Variants in MEIOC observed in about 807,000 individuals in gnomAD.
The protein encoded by MEIOC is meiosis specific with coiled-coil domain, also known as meiosis-specific coiled-coil domain-containing protein MEIOC.
In MEIOC, 9 loss-of-function variants were observed where a neutral mutation model predicts 85.3. The ratio of observed to expected loss-of-function variants is 0.11; its 90% CI spans 0.06 to 0.18. The LOEUF (loss-of-function observed/expected upper bound fraction) is 0.18, where lower values mean the gene tolerates loss of function less well. Among genes scored for constraint, MEIOC ranks in the 10% least tolerant of loss-of-function variants. The pLI is 1.00. For synonymous variants in MEIOC, 365 were observed against 393.7 expected, an observed-to-expected ratio of 0.93 and a Z score of 0.86; for missense variants, 898 against 1,129.4, an observed-to-expected ratio of 0.80 and a Z score of 2.94.
At chr17:44,673,820 A>G in intron 7 of MEIOC, 156 bp from the exon 8 acceptor site, 1 of 874,708 alleles carries the variant, frequency 1.1e-6, no homozygotes, top group Non-Finnish European at 1.7e-6. Context: ...AAATATTTTA[A>G]TGATAAAGGA....
Position 44,662,205 on chromosome 17 carries a change from ATG to A in MEIOC, c.205-110_205-109del, listed in dbSNP as rs1245064356. 24 of 847,342 alleles carry A rather than the reference ATG, an allele frequency of 2.8e-5. No homozygotes were observed. The African/African-American group carries it at 3.3e-4, about 12-fold the overall frequency. The allele number at this position is 847,342 out of a possible 1,614,324, so 52.5% of individuals were successfully genotyped here. On this transcript the variant is annotated intron_variant, in intron 2 of 7. Transcript: ENST00000409122. ...CTTAAGTCACTAAGTCTGCATTTGAATGTAATTCTCCCAACTCTTACATCTGT... is the reference window on the plus strand; with the variant it reads ...CTTAAGTCACTAAGTCTGCATTTGAATAATTCTCCCAACTCTTACATCTGT...
intron 4 of MEIOC, 49 bp downstream of exon 4, chr17:44,665,537 C>A (rs1346736274): frequency 3.4e-6 from 3 of 872,844 alleles, no homozygotes; most frequent in Non-Finnish European, 5.0e-6. Flanking sequence ...AACTAACATA[C>A]ACTAGTTTAC....
At position 44,674,038 on chromosome 17, in the gene MEIOC, G is replaced by A. The variant is rs560381523; in HGVS notation, c.2701G>A (p.Ala901Thr). Residue 901 changes from alanine (A) to threonine (T), a missense_variant, in exon 8 of 8, where the codon GCC (alanine) becomes ACC (threonine). By Grantham distance (58) the Ala-to-Thr change is moderately conservative. This residue lies in a region of MEIOC where 164 missense variants were observed against 269.2 expected (regional missense o/e 0.61). Coordinates refer to ENST00000409122, the MANE Select transcript of MEIOC (RefSeq NM_001145080.3). ...TGTGGCTACTCGGAAAACACGCACT[G>A]CCCTGTGGTGTGCACTGCAGATGAC... ...MCVATRKTRT[A>T]LWCALQMTLP... 1 of 1,551,716 alleles carries A rather than the reference G, an allele frequency of 6.4e-7. No homozygotes were observed. Among genetic ancestry groups the A allele is most frequent in the East Asian group, 2.4e-5 (1 of 40,918 alleles).
At chr17:44,656,883 C>T (rs1971764995) in intron 1 of MEIOC, among the ~76,000 whole-genome samples, 1 of 150,994 alleles carries the variant, frequency 6.6e-6, no homozygotes, top group African/African-American at 2.4e-5. Flanking sequence ...CGCCGCGATT[C>T]CCGGGAGGCA....
Position 44,675,780 on chromosome 17 carries a change from A to G in MEIOC, c.*1584A>G, listed in dbSNP as rs1598731617. The stretch of plus-strand genomic sequence containing the variant: ...TACTGAATTTAGTCTCAGGAAAAAA[A>G]TAAATTACTTTGTTGAAAACATTTG... On this transcript the variant is annotated 3_prime_UTR_variant, in exon 8 of 8. Coordinates refer to ENST00000409122, the MANE Select transcript of MEIOC (RefSeq NM_001145080.3). 1.1e-6 allele frequency: 1 copy of G among 944,672 alleles called. No homozygotes were observed. The highest frequency in any genetic ancestry group is 1.2e-4 in the East Asian group (1 of 8,618). 58.5% of individuals were successfully genotyped at this position (944,672 alleles called of 1,614,324 possible).
At chr17:44,670,479 C>CTTGATGAGCAAGCTGTGCTTACATAAGAT (rs1971987855) in intron 6 of MEIOC, 1 of 145,756 alleles carries the variant, frequency 6.9e-6, no homozygotes, top group Non-Finnish European at 1.5e-5. Flanking sequence ...TGTTTTCCAG[C>CTTGATGAGCAAGCTGTGCTTACATAAGAT]TTGATGAGCA....
rs571717712 is a variant in MEIOC, at chr17:44,667,870, C to A, written c.1959C>A (p.Asp653Glu). 2 of 1,613,940 alleles carry A rather than the reference C, an allele frequency of 1.2e-6. No individual in the cohort carries two copies. The highest frequency in any genetic ancestry group is 1.7e-5 in the Admixed American group (1 of 60,004). The part of the protein sequence containing the change: ...HSNSHRTRGG[D>E]NSRVNRTQVS... ...ATAGCCACAGAACGAGAGGTGGAGA[C>A]AATAGCCGTGTGAATCGCACACAAG... Residue 653 changes from aspartate (D) to glutamate (E), a missense_variant, in exon 5 of 8, where the codon GAC (aspartate) becomes GAA (glutamate). By Grantham distance (45) the Asp-to-Glu change is conservative. This residue lies in a region of MEIOC where 734 missense variants were observed against 860.1 expected (regional missense o/e 0.85). Transcript: ENST00000409122.
At chr17:44,676,446 T>C (rs752715092), downstream of MEIOC, among the ~76,000 whole-genome samples, 10 of 152,178 alleles carry the variant, frequency 6.6e-5, no homozygotes, top group Non-Finnish European at 7.3e-5. Context: ...CTATAAAGTT[T>C]TAGAGGGTTG....
At chr17:44,665,616 T>C (rs1303579885) in intron 4 of MEIOC, 128 bp downstream of exon 4, 3 of 407,966 alleles carry the variant, frequency 7.4e-6, no homozygotes, top group Admixed American at 9.1e-5. Flanking sequence ...ATTCAAATAT[T>C]GTTTCAAGGA....
rs1971913998 is a variant in MEIOC, at chr17:44,666,964, A to C, written c.1053A>C (p.Lys351Asn). 3.7e-6 allele frequency: 6 copies of C among 1,612,740 alleles called. No individual in the cohort carries two copies. The East Asian group carries it at 1.1e-4, about 30-fold the overall frequency. Residue 351 changes from lysine (K) to asparagine (N), a missense_variant, in exon 5 of 8, where the codon AAA (lysine) becomes AAC (asparagine). Lys to Asn is a moderately conservative substitution (Grantham distance 94, BLOSUM62 0). This residue lies in a region of MEIOC where 734 missense variants were observed against 860.1 expected (regional missense o/e 0.85). Transcript: ENST00000409122. ...KCSNFSVQDS[K>N]KLANGTPETP... ...CAAATTTTAGTGTCCAAGATAGCAA[A>C]AAATTAGCCAATGGCACACCTGAAA...
intron 5 of MEIOC, 105 bp downstream of exon 5, chr17:44,668,338 C>T (rs771672235): frequency 5.3e-5 from 58 of 1,084,136 alleles, no homozygotes; most frequent in Non-Finnish European, 7.6e-5. Context: ...TTTCTTTTTG[C>T]TTTATTTGTT....
chr17:44,671,012 T>A (rs544732616), intron 6 of MEIOC: 1 of 152,038 alleles, frequency 6.6e-6, no homozygotes, highest in Non-Finnish European at 1.5e-5. Context: ...AACTTAGTTT[T>A]CCAAATAAAA....
chr17:44,656,716 G>C (rs1370889341), intron 1 of MEIOC, 34 bp downstream of exon 1: 1 of 1,455,282 alleles, frequency 6.9e-7, no homozygotes, highest in Non-Finnish European at 9.1e-7. Context: ...TCCAGGGGGC[G>C]GCCAGACTTG....
intron 2 of MEIOC, among the ~76,000 whole-genome samples, chr17:44,659,006 C>G (rs1010556619): frequency 6.6e-6 from 1 of 151,704 alleles, no homozygotes; most frequent in African/African-American, 2.4e-5. Context: ...TCACTTTACT[C>G]CTTTATTTTC....
chr17:44,657,827 A>G (rs1367627631), intron 2 of MEIOC, among the ~76,000 whole-genome samples: 1 of 144,182 alleles, frequency 6.9e-6, no homozygotes, highest in South Asian at 2.2e-4. Context: ...TGCTGGGATT[A>G]CAGGCATGAG....
chr17:44,666,323 G>T, intron 4 of MEIOC, 53 bp from the exon 5 acceptor site: 1 of 1,420,804 alleles, frequency 7.0e-7, no homozygotes, highest in Non-Finnish European at 9.4e-7. Context: ...TTCCACTGAA[G>T]AAATAAAGTC....
Position 44,675,481 on chromosome 17 carries a change from G to C in MEIOC, c.*1285G>C, listed in dbSNP as rs551971234. Reference sequence around the variant, plus strand: ...AGAAACACTGATGTTTTAAATGTTAGTGTTTTTCTTAGTTTTAGAAATTCT... The same window carrying C: ...AGAAACACTGATGTTTTAAATGTTACTGTTTTTCTTAGTTTTAGAAATTCT... On this transcript the variant is annotated 3_prime_UTR_variant, in exon 8 of 8. Transcript: ENST00000409122. 71 of 960,650 alleles carry C rather than the reference G, an allele frequency of 7.4e-5. No individual in the cohort carries two copies. The African/African-American group carries it at 1.2e-3, about 16-fold the overall frequency. 59.5% of individuals were successfully genotyped at this position (960,650 alleles called of 1,614,324 possible). A position where few individuals can be genotyped will look rare whatever the true frequency, so the allele number is the denominator to read the frequency against.
At position 44,675,115 on chromosome 17, in the gene MEIOC, A is replaced by G. The variant is rs1972058366; in HGVS notation, c.*919A>G. 1 of 984,910 alleles carries G rather than the reference A, an allele frequency of 1.0e-6. No individual in the cohort carries two copies. Among genetic ancestry groups the G allele is most frequent in the African/African-American group, 1.7e-5 (1 of 57,164 alleles). The allele number at this position is 984,910 out of a possible 1,614,324, so 61.0% of individuals were successfully genotyped here. A position where few individuals can be genotyped will look rare whatever the true frequency, so the allele number is the denominator to read the frequency against. On this transcript the variant is annotated 3_prime_UTR_variant, in exon 8 of 8. Transcript: ENST00000409122. The stretch of plus-strand genomic sequence containing the variant: ...TAATCTCTAACTAGTTTAGCTTGCA[A>G]TTGGTTAGTGTATATTTTGTGTAGT...
intron 1 of MEIOC, 23 bp from the exon 2 acceptor site, chr17:44,657,104 T>G: frequency 6.5e-7 from 1 of 1,542,132 alleles, no homozygotes; most frequent in South Asian, 1.2e-5. Flanking sequence ...CTTTCTGATA[T>G]TTCCTATTCC....
Sources: allele counts gnomAD v4.1 joint callset (sites outside exome capture counted in the v4.1 genomes callset), GRCh38; gene constraint gnomAD v4.1.1; regional missense constraint gnomAD v4.1.1; transcripts MANE v1.5; gene names NCBI Gene and HGNC (gene_info 2026-07-23, HGNC 2026-07-21).